Variants in SBF2 observed in about 807,000 individuals in gnomAD.
SBF2 encodes the protein myotubularin-related protein 13.
Under a neutral mutation model 225.2 loss-of-function variants are expected in SBF2, and 112 were observed. The observed-to-expected ratio is 0.50, with a 90% CI of 0.43 to 0.58. The LOEUF (loss-of-function observed/expected upper bound fraction) is 0.58. Ranked by LOEUF, SBF2 falls within the 20% of genes least tolerant of loss-of-function variation. SBF2 has a pLI of 0.00. For missense variants in SBF2, 1,996 were observed against 2,206.2 expected, an observed-to-expected ratio of 0.90 and a Z score of 1.91; for synonymous variants, 763 against 773.3, an observed-to-expected ratio of 0.99 and a Z score of 0.22.
intron 32 of SBF2, among the ~76,000 whole-genome samples, chr11:9,801,009 G>T (rs1853462025): frequency 6.6e-6 from 1 of 151,704 alleles, no homozygotes; most frequent in Non-Finnish European, 1.5e-5. Context: ...CTTTATTGTT[G>T]GCCACAAGAT....
intron 25 of SBF2, among the ~76,000 whole-genome samples, chr11:9,840,278 A>G (rs1281660768): frequency 6.6e-6 from 1 of 151,004 alleles, no homozygotes; most frequent in South Asian, 2.1e-4. Context: ...CAAACCCGCT[A>G]CTTTTGAAGA....
chr11:10,232,560 A>C (rs1958902435), intron 1 of SBF2, among the ~76,000 whole-genome samples: 1 of 139,336 alleles, frequency 7.2e-6, no homozygotes, highest in Non-Finnish European at 1.6e-5. Context: ...ATTTTGTCTT[A>C]ATTTTTTTTT....
intron 16 of SBF2, among the ~76,000 whole-genome samples, chr11:9,900,079 CTG>C (rs1424769712): frequency 6.9e-6 from 1 of 144,510 alleles, no homozygotes; most frequent in Non-Finnish European, 1.5e-5. Context: ...GGATTTTAAA[CTG>C]TGACTCCATG....
intron 1 of SBF2, among the ~76,000 whole-genome samples, chr11:10,220,204 T>C (rs535648276): frequency 1.3e-5 from 2 of 152,304 alleles, no homozygotes; most frequent in African/African-American, 4.8e-5. Context: ...AGAGAGCTTG[T>C]GTAGGGGTAC....
intron 38 of SBF2, among the ~76,000 whole-genome samples, chr11:9,782,390 CA>C (rs2133843614): frequency 6.6e-6 from 1 of 151,594 alleles, no homozygotes; most frequent in African/African-American, 2.4e-5. Context: ...CCTCATTAAT[CA>C]AAGAAAAATA....
intron 1 of SBF2, chr11:10,302,907 G>C (rs938498792): frequency 1.3e-5 from 2 of 152,230 alleles, no homozygotes; most frequent in African/African-American, 4.8e-5. Flanking sequence ...ACGCCTAGCT[G>C]TCCTTGACCT....
chr11:9,895,260 G>GT (rs1490084205), intron 17 of SBF2, among the ~76,000 whole-genome samples: 2 of 152,188 alleles, frequency 1.3e-5, no homozygotes, highest in African/African-American at 4.8e-5. Flanking sequence ...TAGCTGAATA[G>GT]TAAGTCAGCT....
chr11:10,093,213 C>T (rs909293242), intron 2 of SBF2, among the ~76,000 whole-genome samples: 10 of 151,744 alleles, frequency 6.6e-5, no homozygotes, highest in African/African-American at 2.2e-4. Context: ...GACAGTTTTG[C>T]CATGTTGACC....
intron 2 of SBF2, among the ~76,000 whole-genome samples, chr11:10,183,979 T>G (rs1956833386): frequency 6.6e-6 from 1 of 152,198 alleles, no homozygotes; most frequent in African/African-American, 2.4e-5. Context: ...TTCAAAAACT[T>G]AGAAGATTCT....
At chr11:9,954,416 C>A (rs1866033360) in intron 16 of SBF2, among the ~76,000 whole-genome samples, 2 of 152,122 alleles carry the variant, frequency 1.3e-5, no homozygotes, top group Non-Finnish European at 2.9e-5. Flanking sequence ...GTTGTTGCAT[C>A]AAGAATATAA....
intron 2 of SBF2, among the ~76,000 whole-genome samples, chr11:10,146,403 C>A (rs775544391): frequency 3.9e-5 from 6 of 151,960 alleles, no homozygotes; most frequent in Admixed American, 6.6e-5. Flanking sequence ...AATAAAGAAC[C>A]CAGAAGTAAG....
rs1293145072 is a variant in SBF2 at position 9,842,713 on chromosome 11, C to T, written c.3168G>A (p.Gly1056=). Residue 1056 remains glycine, a synonymous_variant, in exon 25 of 40, where the codon GGG becomes GGA. Coordinates refer to ENST00000256190, the MANE Select transcript of SBF2 (RefSeq NM_030962.4). ...TCTTCTTCTTCAGTAAATATTGCCG[C>T]CCAATTGTCATTTTCCCTGCCCTTT... ...GAKRAGKMTI[G]RQYLLKKKTG... 1 of 1,614,120 alleles carries T rather than the reference C, an allele frequency of 6.2e-7. No homozygotes were observed. The highest frequency in any genetic ancestry group is 8.5e-7 in the Non-Finnish European group (1 of 1,179,988).
intron 33 of SBF2, among the ~76,000 whole-genome samples, chr11:9,794,682 A>T (rs1852993330): frequency 8.0e-6 from 1 of 125,328 alleles, no homozygotes; most frequent in Non-Finnish European, 1.6e-5. Context: ...GTCTCAAAAA[A>T]AAAAAAAAAA....
At chr11:10,019,943 C>T (rs937431286) in intron 6 of SBF2, among the ~76,000 whole-genome samples, 1 of 152,010 alleles carries the variant, frequency 6.6e-6, no homozygotes, top group African/African-American at 2.4e-5. Context: ...GTTTTAGGAA[C>T]GTAAGTTATT....
At chr11:9,933,643 G>A (rs988316174) in intron 16 of SBF2, among the ~76,000 whole-genome samples, 9 of 152,148 alleles carry the variant, frequency 5.9e-5, no homozygotes, top group African/African-American at 2.2e-4. Flanking sequence ...CAGAATCTCT[G>A]GGGCGCATTT....
chr11:10,177,673 C>T (rs971671312), intron 2 of SBF2, among the ~76,000 whole-genome samples: 12 of 151,920 alleles, frequency 7.9e-5, no homozygotes, highest in African/African-American at 2.9e-4. Context: ...CTACAAACCA[C>T]TGCTCAAGGA....
At chr11:10,229,733 C>T (rs1958744008) in intron 1 of SBF2, among the ~76,000 whole-genome samples, 1 of 152,084 alleles carries the variant, frequency 6.6e-6, no homozygotes, top group South Asian at 2.1e-4. Flanking sequence ...TTACTTCCAA[C>T]TATGTGGTCA....
chr11:9,927,863 C>G (rs968641703), intron 16 of SBF2, among the ~76,000 whole-genome samples: 1 of 152,066 alleles, frequency 6.6e-6, no homozygotes, highest in Non-Finnish European at 1.5e-5. Context: ...AGTGCAAAGC[C>G]AATTCAGTGA....
At chr11:9,977,884 G>A (rs888598828) in intron 13 of SBF2, among the ~76,000 whole-genome samples, 14 of 152,110 alleles carry the variant, frequency 9.2e-5, no homozygotes, top group Non-Finnish European at 1.8e-4. Flanking sequence ...ATAAAGGAGT[G>A]GTGAGAAGAG....
Sources: allele counts gnomAD v4.1 joint callset (sites outside exome capture counted in the v4.1 genomes callset), GRCh38; gene constraint gnomAD v4.1.1; transcripts MANE v1.5; gene names NCBI Gene and HGNC (gene_info 2026-07-23, HGNC 2026-07-21).